The following KLHL3 variants were observed in gnomAD, a reference collection of about 807,000 sequenced individuals.
The protein encoded by KLHL3 is kelch like family member 3.
A neutral mutation model predicts 70.5 loss-of-function variants in KLHL3; 19 were observed. The ratio of observed to expected loss-of-function variants is 0.27; its 90% CI spans 0.19 to 0.40. The LOEUF (loss-of-function observed/expected upper bound fraction) is 0.40, where lower values mean the gene tolerates loss of function less well. Ranked by LOEUF, KLHL3 falls within the 10% of genes least tolerant of loss-of-function variation. The probability of loss-of-function intolerance (pLI) is 1.00; values close to 1 mark genes in which losing one functional copy is unlikely to be tolerated. For missense variants in KLHL3, 512 were observed against 771.1 expected (o/e 0.66, Z 3.98); for synonymous variants, 258 against 290.3 (o/e 0.89, Z 1.13).
At chr5:137,706,646 A>C (rs1232713827) in intron 3 of KLHL3, among the ~76,000 whole-genome samples, 1 of 152,224 alleles carries the variant, frequency 6.6e-6, no homozygotes, top group Non-Finnish European at 1.5e-5. Context: ...AAAATATTAC[A>C]TAAAACTATA....
intron 10 of KLHL3, among the ~76,000 whole-genome samples, chr5:137,637,888 A>G (rs1580723472): frequency 6.6e-6 from 1 of 152,326 alleles, no homozygotes; most frequent in East Asian, 1.9e-4. Flanking sequence ...TAATATAGAT[A>G]CCATTCCCCT....
chr5:137,688,512 G>A (rs1035122029), intron 5 of KLHL3, among the ~76,000 whole-genome samples: 1 of 152,208 alleles, frequency 6.6e-6, no homozygotes, highest in Admixed American at 6.5e-5. Context: ...CTGGTTGTTG[G>A]GATTTGGTGA....
chr5:137,716,615 A>G (rs905609199), intron 2 of KLHL3, among the ~76,000 whole-genome samples: 9 of 152,208 alleles, frequency 5.9e-5, no homozygotes, highest in African/African-American at 2.2e-4. Flanking sequence ...CACATGTGCA[A>G]TTGAGGTTCT....
intron 8 of KLHL3, among the ~76,000 whole-genome samples, chr5:137,652,191 A>G (rs1487628737): frequency 6.6e-6 from 1 of 152,202 alleles, no homozygotes; most frequent in African/African-American, 2.4e-5. Context: ...TAACAGAAAA[A>G]AATTGAAAAA....
intron 6 of KLHL3, among the ~76,000 whole-genome samples, chr5:137,663,613 T>C (rs2905581): frequency 0.78 from 118,991 of 151,982 alleles, 47,520 homozygotes; most frequent in East Asian, 0.98. Context: ...CAAGTGGATA[T>C]GATGTAGTAC....
intron 8 of KLHL3, among the ~76,000 whole-genome samples, chr5:137,652,535 C>T (rs1327517994): frequency 6.6e-6 from 1 of 152,192 alleles, no homozygotes; most frequent in African/African-American, 2.4e-5. Flanking sequence ...ACCTGGAGGA[C>T]ATTACGTTAA....
chr5:137,683,132 CCTTTTAA>C (rs1386453162), intron 5 of KLHL3, among the ~76,000 whole-genome samples: 13 of 152,150 alleles, frequency 8.5e-5, no homozygotes, highest in Non-Finnish European at 1.6e-4. Context: ...ATTTTATCAT[CCTTTTAA>C]CATTGGGAAG....
chr5:137,735,459 G>C (rs1319202086), intron 1 of KLHL3, among the ~76,000 whole-genome samples, 174 bp downstream of exon 1: 1 of 152,314 alleles, frequency 6.6e-6, no homozygotes, highest in African/African-American at 2.4e-5. Context: ...GCCCTGGAAC[G>C]GGTGATTTGG....
chr5:137,688,518 G>A (rs1049641685), intron 5 of KLHL3, among the ~76,000 whole-genome samples: 2 of 152,202 alleles, frequency 1.3e-5, no homozygotes, highest in Non-Finnish European at 2.9e-5. Context: ...GTTGGGATTT[G>A]GTGACTACAT....
chr5:137,700,056 G>A (rs898152448), intron 3 of KLHL3, among the ~76,000 whole-genome samples: 13 of 152,198 alleles, frequency 8.5e-5, no homozygotes, highest in African/African-American at 2.7e-4. Context: ...CCTCCACCCT[G>A]TTCTCTCTTC....
chr5:137,705,643 A>G (rs1752670414), intron 3 of KLHL3, among the ~76,000 whole-genome samples: 1 of 152,218 alleles, frequency 6.6e-6, no homozygotes, highest in South Asian at 2.1e-4. Context: ...TCTTTTAGCC[A>G]TGATTATGGG....
At chr5:137,622,237 G>A (rs2149874481) in intron 14 of KLHL3, 111 bp from the exon 15 acceptor site, 2 of 1,291,586 alleles carry the variant, frequency 1.5e-6, no homozygotes, top group East Asian at 4.7e-5. Context: ...GGAAATGTGT[G>A]CAATTTTTAT....
At position 137,712,156 on chromosome 5, in the gene KLHL3, C is replaced by CAA. The variant is rs201519598; in HGVS notation, c.135-2302_135-2301dup. On this transcript the variant is annotated intron_variant, in intron 2 of 14. Transcript: ENST00000309755. ...CCTGGGTGACAGAGCAAGATTCTGT[C>CAA]AAAAAAAAAAAAAAAAAAAAAAAAA... is the stretch of plus-strand genomic sequence containing the variant. Among the ~76,000 whole-genome samples, 301 of 74,808 alleles carry CAA rather than the reference C, an allele frequency of 4.0e-3. 18 individuals are homozygous for CAA. The highest frequency in any genetic ancestry group is 9.5e-3 in the African/African-American group (175 of 18,330). 49.1% of individuals were successfully genotyped at this position (74,808 alleles called of 152,430 possible).
intron 13 of KLHL3, among the ~76,000 whole-genome samples, chr5:137,626,153 C>T (rs1043639366): frequency 2.0e-5 from 3 of 152,028 alleles, no homozygotes; most frequent in African/African-American, 7.3e-5. Flanking sequence ...AACGTGTATG[C>T]CCCCCGCCAC....
rs387907155 is a variant in KLHL3, at chr5:137,638,979, G to A, written c.1193C>T (p.Ala398Val). ...GAAVLNDLLY[A>V]VGGFDGSTGL... ...AGTACTGCCATCAAAGCCTCCCACT[G>A]CGTAGAGCAAGTCATTGAGCACCGC... The change falls in exon 10 of 15, where the codon GCA (alanine) becomes GTA (valine). Residue 398 changes from alanine to valine, a missense_variant. Physicochemically the swap from Ala to Val is moderately conservative, Grantham distance 64. Coordinates refer to ENST00000309755, the MANE Select transcript of KLHL3 (RefSeq NM_017415.3). 1 of 1,614,152 alleles carries A rather than the reference G, an allele frequency of 6.2e-7. No individual in the cohort carries two copies. The highest frequency in any genetic ancestry group is 8.5e-7 in the Non-Finnish European group (1 of 1,180,004).
intron 2 of KLHL3, among the ~76,000 whole-genome samples, chr5:137,716,344 ATGTTTGTTTGTTTGTT>A (rs57002774): frequency 4.6e-5 from 7 of 150,606 alleles, no homozygotes; most frequent in South Asian, 2.1e-4. Flanking sequence ...ACTAAGGCAT[ATGTTTGTTTGTTTGTT>A]TGTTTGTTTG....
chr5:137,677,418 A>T, intron 6 of KLHL3, 127 bp downstream of exon 6: 1 of 614,084 alleles, frequency 1.6e-6, no homozygotes, highest in Non-Finnish European at 2.9e-6. Context: ...ATCGCACTCC[A>T]GCCTGGCCGA....
At chr5:137,679,830 A>C (rs1008167510) in intron 5 of KLHL3, among the ~76,000 whole-genome samples, 1 of 152,200 alleles carries the variant, frequency 6.6e-6, no homozygotes, top group Non-Finnish European at 1.5e-5. Flanking sequence ...CTGGTGGGGA[A>C]GGGGCAACAA....
chr5:137,629,873 T>A (rs1055386880), intron 12 of KLHL3: 3 of 152,138 alleles, frequency 2.0e-5, no homozygotes, highest in Non-Finnish European at 4.4e-5. Flanking sequence ...GCCTCTTTTT[T>A]CCCCTAACCA....
Sources: allele counts gnomAD v4.1 joint callset (sites outside exome capture counted in the v4.1 genomes callset), GRCh38; gene constraint gnomAD v4.1.1; transcripts MANE v1.5; gene names NCBI Gene and HGNC (gene_info 2026-07-23, HGNC 2026-07-21).